The following XDH variants were observed in gnomAD, a reference collection of about 807,000 sequenced individuals.
XDH encodes the protein xanthine dehydrogenase/oxidase.
Under a neutral mutation model 156.1 loss-of-function variants are expected in XDH, and 138 were observed. The observed-to-expected ratio is 0.88, with a 90% CI of 0.77 to 1.02. The LOEUF (loss-of-function observed/expected upper bound fraction) is 1.02. XDH is among the 50% of genes least tolerant of loss of function. The pLI is 0.00. For synonymous variants in XDH, 669 were observed against 625.7 expected, an observed-to-expected ratio of 1.07 and a Z score of -1.03; for missense variants, 1,849 against 1,684.9, an observed-to-expected ratio of 1.10 and a Z score of -1.71.
Position 31,375,442 on chromosome 2 carries a change from T to G in XDH, c.1540A>C (p.Ser514Arg). 1 of 1,614,184 alleles carries G rather than the reference T, an allele frequency of 6.2e-7. No individual in the cohort carries two copies. Among genetic ancestry groups the G allele is most frequent in the Non-Finnish European group, 8.5e-7 (1 of 1,180,030 alleles). The change falls in exon 15 of 36, where the codon AGC (serine) becomes CGC (arginine). Residue 514 changes from serine (S) to arginine (R), a missense_variant. Transcript: ENST00000379416. ...MVDFRCTLTL[S>R]FFFKFYLTVL... ...GTCAGGTAGAACTTGAAGAAGAAGC[T>G]GAGGGTGAGGGTGCACCGGAAGTCC... is the stretch of plus-strand genomic sequence containing the variant.
rs3835888 is a variant in XDH, at chr2:31,389,018, GGGGCGCAC to G, written c.496-731_496-724del. ...CACCGAGGCACTGCAGGGTGGCAGAGGGGCGCACTCAGCTGACTGATCTGCAGCTCAGG... is the reference window on the plus strand; with the variant it reads ...CACCGAGGCACTGCAGGGTGGCAGAGTCAGCTGACTGATCTGCAGCTCAGG... On this transcript the variant is annotated intron_variant, in intron 6 of 35. Transcript: ENST00000379416. Among the ~76,000 whole-genome samples the G allele has an allele frequency of 8.7e-3, 1,329 of 152,292 alleles. 15 individuals are homozygous for G. Among genetic ancestry groups the G allele is most frequent in the South Asian group, 0.042 (202 of 4,820 alleles).
At chr2:31,392,223 AT>A (rs1366346252) in intron 6 of XDH, among the ~76,000 whole-genome samples, 4 of 151,772 alleles carry the variant, frequency 2.6e-5, no homozygotes, top group Non-Finnish European at 5.9e-5. Flanking sequence ...AGGCTTATTA[AT>A]TTCATTGATC....
At chr2:31,374,838 G>C (rs1198734677) in intron 15 of XDH, among the ~76,000 whole-genome samples, 49 of 151,536 alleles carry the variant, frequency 3.2e-4, no homozygotes, top group Non-Finnish European at 1.3e-4. Flanking sequence ...ATAAATTCTT[G>C]GTGAACAAAT....
At chr2:31,387,736 G>T in intron 8 of XDH, 75 bp downstream of exon 8, 1 of 1,333,620 alleles carries the variant, frequency 7.5e-7, no homozygotes, top group Non-Finnish European at 1.1e-6. Context: ...GTTCCCAGTG[G>T]GTATGAAAAT....
intron 1 of XDH, 112 bp downstream of exon 1, chr2:31,414,513 G>C: frequency 6.8e-7 from 1 of 1,470,926 alleles, no homozygotes; most frequent in Non-Finnish European, 9.5e-7. Flanking sequence ...GAGAAAGACA[G>C]AACAAGTAAG....
rs778883301 is a variant in XDH, at chr2:31,346,839, G to C, written c.3281C>G (p.Ala1094Gly). The change falls in exon 30 of 36, where the codon GCT (alanine) becomes GGT (glycine). Residue 1094 changes from alanine to glycine, a missense_variant. Ala to Gly is a moderately conservative substitution (Grantham distance 60). Coordinates refer to ENST00000379416, the MANE Select transcript of XDH (RefSeq NM_000379.4). ...CAGCCTTTTCAAGATGGTCTGACAA[G>C]CCGCCTAAAGTAAACACCCCCCACA... ...ADLNGQAVYA[A>G]CQTILKRLEP... The C allele has an allele frequency of 6.2e-7, 1 of 1,614,018 alleles. No individual in the cohort carries two copies. The highest frequency in any genetic ancestry group is 8.5e-7 in the Non-Finnish European group (1 of 1,180,010).
At chr2:31,398,460 G>C (rs1241905749) in intron 5 of XDH, 113 bp downstream of exon 5, 10 of 1,578,316 alleles carry the variant, frequency 6.3e-6, no homozygotes, top group Admixed American at 3.4e-5. Context: ...TGGGGGGCCT[G>C]AGCCCTTCCT....
chr2:31,407,224 G>A (rs1403701445), intron 1 of XDH, among the ~76,000 whole-genome samples: 1 of 152,142 alleles, frequency 6.6e-6, no homozygotes, highest in Non-Finnish European at 1.5e-5. Context: ...TTGCAGCATA[G>A]GGGAAGAGAT....
Position 31,387,925 on chromosome 2 carries a change from T to G in XDH, c.565-28A>C, listed in dbSNP as rs977739488. 4.5e-6 allele frequency: 7 copies of G among 1,557,344 alleles called. No homozygotes were observed. The Admixed American group carries it at 5.8e-5, about 13-fold the overall frequency. On this transcript the variant is annotated intron_variant, in intron 7 of 35. Transcript: ENST00000379416. ...ATGGGGAAAGAGAACAGGTAGGTGA[T>G]GCAGTATCTCCTCCTTTCAAACACC...
chr2:31,367,054 C>T lies in XDH; in HGVS notation c.2198-60G>A, dbSNP rs898052793. 5.8e-5 allele frequency: 93 copies of T among 1,613,132 alleles called. 3 individuals carry two copies. In the South Asian group the frequency reaches 1.0e-3, roughly 17 times the overall value. On this transcript the variant is annotated intron_variant, in intron 20 of 35. Coordinates refer to ENST00000379416, the MANE Select transcript of XDH (RefSeq NM_000379.4). ...AATGCTGCAGAAGGGGCCAGCTTGC[C>T]TAAGGAGAGAGTATACTCTGCCAAG... is the stretch of plus-strand genomic sequence containing the variant.
chr2:31,336,114 C>T, intron 35 of XDH, 106 bp from the exon 36 acceptor site: 1 of 1,195,650 alleles, frequency 8.4e-7, no homozygotes. Context: ...ATTCCAAGGC[C>T]AAGCACCACT....
intron 27 of XDH, 146 bp downstream of exon 27, chr2:31,348,753 A>G (rs957025933): frequency 4.0e-6 from 3 of 745,970 alleles, no homozygotes; most frequent in Non-Finnish European, 7.0e-6. Flanking sequence ...AGGACTGTGC[A>G]AGTTCGACTT....
intron 6 of XDH, among the ~76,000 whole-genome samples, chr2:31,394,271 T>C (rs1319280034): frequency 1.3e-5 from 2 of 152,180 alleles, no homozygotes; most frequent in Admixed American, 1.3e-4. Context: ...CACTCGCTTT[T>C]GAAGGATACT....
rs543480068 is a variant in XDH, at chr2:31,385,637, G to T, written c.793+777C>A. On this transcript the variant is annotated intron_variant, in intron 9 of 35. Transcript: ENST00000379416. Reference sequence around the variant, plus strand: ...GTAGAAATAGGCCATGCCAGGTTTAGAAATCGACAGAGATTAGCAGGGACC... The same window carrying T: ...GTAGAAATAGGCCATGCCAGGTTTATAAATCGACAGAGATTAGCAGGGACC... 2.8e-3 allele frequency among the ~76,000 whole-genome samples: 422 copies of T among 152,332 alleles called. 1 individual carries two copies. Among genetic ancestry groups the T allele is most frequent in the African/African-American group, 9.7e-3 (404 of 41,578 alleles).
rs1377803026 is a variant in XDH at position 31,383,057 on chromosome 2, T to C, written c.982A>G (p.Arg328Gly). 6.2e-7 allele frequency: 1 copy of C among 1,614,050 alleles called. No individual in the cohort carries two copies. The highest frequency in any genetic ancestry group is 8.5e-7 in the Non-Finnish European group (1 of 1,180,050). Residue 328 changes from arginine (R) to glycine (G), a missense_variant, in exon 11 of 36, where the codon AGA (arginine) becomes GGA (glycine). By Grantham distance (125) the Arg-to-Gly change is moderately radical. Transcript: ENST00000379416. Reference sequence around the variant, plus strand: ...CAGCGCAGCTGCTCCAGGACCCCTCTGAACACCTCTGTCTTTTGGGCAGGA... The same window carrying C: ...CAGCGCAGCTGCTCCAGGACCCCTCCGAACACCTCTGTCTTTTGGGCAGGA... ...KLPAQKTEVFRGVLEQLRWFA... is the reference protein window; with the variant it reads ...KLPAQKTEVFGGVLEQLRWFA...
intron 13 of XDH, 126 bp from the exon 14 acceptor site, chr2:31,377,363 T>C: frequency 9.9e-7 from 1 of 1,006,148 alleles, no homozygotes; most frequent in South Asian, 1.3e-5. Context: ...GTGGGTGAAC[T>C]GGCCCCGGGA....
chr2:31,395,293 G>A (rs367784774), intron 6 of XDH, among the ~76,000 whole-genome samples: 80 of 152,248 alleles, frequency 5.3e-4, no homozygotes, highest in Middle Eastern at 3.4e-3. Context: ...GGTGGGACAG[G>A]ATGGCTGGAG....
intron 6 of XDH, among the ~76,000 whole-genome samples, chr2:31,389,100 G>A (rs891135076): frequency 6.6e-6 from 1 of 152,220 alleles, no homozygotes; most frequent in African/African-American, 2.4e-5. Flanking sequence ...AAAAGTAGGG[G>A]AAACTCATAG....
At chr2:31,347,480 T>C (rs750299321) in intron 29 of XDH, 42 bp downstream of exon 29, 7 of 1,612,304 alleles carry the variant, frequency 4.3e-6, no homozygotes, top group African/African-American at 2.7e-5. Flanking sequence ...CCCACAGCTC[T>C]GGGCTGGCCC....
Sources: gnomAD v4.1 joint callset for allele counts (sites outside exome capture counted in the v4.1 genomes callset) on GRCh38, gnomAD v4.1.1 for gene constraint, MANE v1.5 for transcripts, NCBI Gene and HGNC (gene_info 2026-07-23, HGNC 2026-07-21) for gene names.